The following KDM3B variants were observed in gnomAD, a reference collection of about 807,000 sequenced individuals.
KDM3B encodes lysine demethylase 3B, also known as lysine-specific demethylase 3B.
Under a neutral mutation model 170.0 loss-of-function variants are expected in KDM3B, and 10 were observed. The ratio of observed to expected loss-of-function variants is 0.06; its 90% CI spans 0.04 to 0.10. The LOEUF is 0.10. KDM3B is among the 10% of genes least tolerant of loss of function. KDM3B has a pLI of 1.00. For missense variants in KDM3B, 1,394 were observed against 2,195.2 expected (o/e 0.64, Z 7.29); for synonymous variants, 831 against 834.8 (o/e 1.00, Z 0.08).
intron 14 of KDM3B, 125 bp from the exon 15 acceptor site, chr5:138,420,581 G>A: frequency 9.5e-7 from 1 of 1,053,134 alleles, no homozygotes; most frequent in Non-Finnish European, 1.4e-6. Context: ...ACCATACACA[G>A]TTTGGGGGGT....
intron 11 of KDM3B, among the ~76,000 whole-genome samples, chr5:138,403,350 G>GA (rs1762736122): frequency 1.3e-5 from 2 of 151,880 alleles, no homozygotes; most frequent in African/African-American, 2.4e-5. Context: ...CAATCAATAG[G>GA]AAAAAACCCC....
chr5:138,353,040 C>G, intron 1 of KDM3B, 53 bp downstream of exon 1: 3 of 851,654 alleles, frequency 3.5e-6, no homozygotes, highest in Non-Finnish European at 4.3e-6. Context: ...GGCCTGCGGG[C>G]GGCCTCCCCG....
At chr5:138,410,514 G>T (rs954416207) in intron 11 of KDM3B, among the ~76,000 whole-genome samples, 57 of 152,068 alleles carry the variant, frequency 3.7e-4, no homozygotes, top group African/African-American at 1.4e-3. Flanking sequence ...ACCTCTGGAG[G>T]GACCAGCCCC....
chr5:138,430,025 AC>A, intron 21 of KDM3B, 60 bp downstream of exon 21: 1 of 1,596,006 alleles, frequency 6.3e-7, no homozygotes, highest in Non-Finnish European at 8.6e-7. Context: ...TTGCTGAGAC[AC>A]CCTATCTAGG....
At chr5:138,384,515 A>G (rs1762206028) in intron 6 of KDM3B, among the ~76,000 whole-genome samples, 1 of 151,900 alleles carries the variant, frequency 6.6e-6, no homozygotes, top group African/African-American at 2.4e-5. Context: ...AGGTGGGTAG[A>G]TTACCTGAGG....
rs950010581 is a variant in KDM3B, at chr5:138,436,432, CTT to C, written c.*734_*735del. On this transcript the variant is annotated 3_prime_UTR_variant, in exon 24 of 24. Coordinates refer to ENST00000314358, the MANE Select transcript of KDM3B (RefSeq NM_016604.4). ...TTAGTCTTCCTTTCGATATAAAACT[CTT>C]TGAAGAAATATGATTTTTAGAAATC... The C allele has an allele frequency of 1.4e-4, 22 of 152,320 alleles. No homozygotes were observed. Among genetic ancestry groups the C allele is most frequent in the African/African-American group, 5.1e-4 (21 of 41,572 alleles). The allele number at this position is 152,320 out of a possible 1,614,324, so 9.4% of individuals were successfully genotyped here. A position where few individuals can be genotyped will look rare whatever the true frequency, so the allele number is the denominator to read the frequency against.
intron 13 of KDM3B, among the ~76,000 whole-genome samples, chr5:138,418,494 T>C (rs1421304629): frequency 6.6e-6 from 1 of 152,110 alleles, no homozygotes; most frequent in Non-Finnish European, 1.5e-5. Context: ...CTGAGGGTTC[T>C]TGAGATATAT....
chr5:138,381,524 G>A lies in KDM3B; in HGVS notation c.714G>A (p.Glu238=), dbSNP rs10073922. 0.36 allele frequency: 559,474 copies of A among 1,575,664 alleles called. 103,161 individuals are homozygous for A. Among genetic ancestry groups the A allele is most frequent in the South Asian group, 0.45 (40,332 of 90,114 alleles). Residue 238 remains glutamate (E), a synonymous_variant, in exon 6 of 24, where the codon GAG becomes GAA. Transcript: ENST00000314358. ...LMEVSVTESG[E]IKSVDPRLIH... is the part of the protein sequence containing the mutation. ...TTCCCCTCCTACTGTAGAGTGGTGA[G>A]ATCAAGTCGGTAGATCCCAGACTAA...
chr5:138,404,575 C>T (rs576256778), intron 11 of KDM3B, among the ~76,000 whole-genome samples: 2 of 150,930 alleles, frequency 1.3e-5, no homozygotes, highest in Middle Eastern at 6.8e-3. Flanking sequence ...TGTGGTGAGC[C>T]GAGGTCATGC....
chr5:138,356,375 C>T (rs1222876961), intron 1 of KDM3B, among the ~76,000 whole-genome samples: 3 of 152,094 alleles, frequency 2.0e-5, no homozygotes, highest in African/African-American at 7.2e-5. Context: ...TTCTCTTTAC[C>T]CTTGCCTTCA....
chr5:138,403,942 C>A (rs1762754206), intron 11 of KDM3B, among the ~76,000 whole-genome samples: 1 of 150,860 alleles, frequency 6.6e-6, no homozygotes, highest in Admixed American at 6.6e-5. Flanking sequence ...ATATAAAAGC[C>A]CAAATGAAAA....
chr5:138,375,067 C>A, intron 2 of KDM3B, 26 bp from the exon 3 acceptor site: 1 of 1,250,196 alleles, frequency 8.0e-7, no homozygotes, highest in Non-Finnish European at 1.2e-6. Context: ...AAGTTCTAAT[C>A]AATTTCTTGT....
intron 14 of KDM3B, 71 bp downstream of exon 14, chr5:138,419,303 C>A: frequency 6.8e-7 from 1 of 1,465,004 alleles, no homozygotes; most frequent in Non-Finnish European, 9.3e-7. Flanking sequence ...TCTTTGAACT[C>A]ACACATTACC....
intron 11 of KDM3B, among the ~76,000 whole-genome samples, chr5:138,411,701 A>ATT (rs747136849): frequency 3.4e-5 from 5 of 145,096 alleles, no homozygotes; most frequent in Non-Finnish European, 6.1e-5. Flanking sequence ...TATTCTTTTA[A>ATT]TTTTTTTTTT....
At chr5:138,363,203 C>T (rs1029192338) in intron 1 of KDM3B, among the ~76,000 whole-genome samples, 29 of 151,926 alleles carry the variant, frequency 1.9e-4, no homozygotes, top group Middle Eastern at 3.2e-3. Context: ...TGTTTTTTCT[C>T]TTCTATTCCC....
At chr5:138,354,232 C>T (rs1365848374) in intron 1 of KDM3B, among the ~76,000 whole-genome samples, 1 of 151,920 alleles carries the variant, frequency 6.6e-6, no homozygotes, top group Non-Finnish European at 1.5e-5. Flanking sequence ...TTTGATTTTT[C>T]TTCATGCTGT....
In KDM3B at chr5:138,365,730, G is replaced by A. The variant is rs185690061; in HGVS notation, c.193-6944G>A. ...TACATTATTTTAGTCCAGGGGCAGTGGTTTACACCTGTAATCCCAGCACTT... is the reference window on the plus strand; with the variant it reads ...TACATTATTTTAGTCCAGGGGCAGTAGTTTACACCTGTAATCCCAGCACTT... On this transcript the variant is annotated intron_variant, in intron 1 of 23. Transcript: ENST00000314358. Among the ~76,000 whole-genome samples the A allele has an allele frequency of 2.6e-3, 390 of 152,010 alleles. 1 individual carries two copies. The highest frequency in any genetic ancestry group is 6.8e-3 in the Middle Eastern group (2 of 294).
intron 4 of KDM3B, 42 bp from the exon 5 acceptor site, chr5:138,379,542 G>T: frequency 6.4e-7 from 1 of 1,560,870 alleles, no homozygotes; most frequent in South Asian, 1.2e-5. Context: ...ATGAAATATA[G>T]CTTAGCCAAA....
intron 11 of KDM3B, among the ~76,000 whole-genome samples, chr5:138,405,718 G>T (rs868435641): frequency 6.6e-6 from 1 of 152,086 alleles, no homozygotes; most frequent in African/African-American, 2.4e-5. Flanking sequence ...TCTTTTTCTC[G>T]TTTATAATCT....
Sources: gnomAD v4.1 joint callset for allele counts (sites outside exome capture counted in the v4.1 genomes callset) on GRCh38, gnomAD v4.1.1 for gene constraint, MANE v1.5 for transcripts, NCBI Gene and HGNC (gene_info 2026-07-23, HGNC 2026-07-21) for gene names.